ZNF678: variants seen among roughly 807,000 people sequenced by gnomAD.
The protein encoded by ZNF678 is hypothetical protein MGC42493.
A neutral mutation model predicts 3.0 loss-of-function variants in ZNF678; 5 were observed. The ratio of observed to expected loss-of-function variants is 1.69; its 90% CI spans 0.88 to 3.56. The LOEUF (loss-of-function observed/expected upper bound fraction) is 3.56. ZNF678 is among the 30% of genes most tolerant of loss of function. The pLI, the probability that ZNF678 is intolerant of heterozygous loss-of-function variation, is 0.00. For synonymous variants in ZNF678, 218 were observed against 199.6 expected, an observed-to-expected ratio of 1.09 and a Z score of -0.78; for missense variants, 593 against 605.0, an observed-to-expected ratio of 0.98 and a Z score of 0.21.
chr1:227,616,394 T>A (rs917108744), intron 1 of ZNF678, among the ~76,000 whole-genome samples: 1 of 152,244 alleles, frequency 6.6e-6, no homozygotes, highest in Non-Finnish European at 1.5e-5. Context: ...CATTCCCTGA[T>A]ACTGTCCCAG....
chr1:227,646,423 A>T (rs971410355), intron 1 of ZNF678, 121 bp from the exon 2 acceptor site: 4 of 945,422 alleles, frequency 4.2e-6, no homozygotes, highest in Non-Finnish European at 3.0e-6. Flanking sequence ...TGTTTTAAAC[A>T]ATGTCTTACT....
At chr1:227,587,843 A>G (rs1397262726) in intron 1 of ZNF678, among the ~76,000 whole-genome samples, 1 of 146,692 alleles carries the variant, frequency 6.8e-6, no homozygotes, top group Non-Finnish European at 1.5e-5. Context: ...TCAAGACTTT[A>G]AAAAAAATTC....
In ZNF678 at chr1:227,655,781, T is replaced by C. The variant is rs781011576; in HGVS notation, c.1531T>C (p.Tyr511His). ...SSIHSKYKRIYTGEEPDKCKK... is the reference protein window; with the variant it reads ...SSIHSKYKRIHTGEEPDKCKK... ...AATCCATAGTAAGTATAAGAGAATT[T>C]ATACTGGAGAGGAACCTGACAAATG... Residue 511 changes from tyrosine to histidine, a missense_variant, in exon 4 of 4, where the codon TAT becomes CAT. By Grantham distance (83) the Tyr-to-His change is moderately conservative. Transcript: ENST00000343776. 3 of 1,597,056 alleles carry C rather than the reference T, an allele frequency of 1.9e-6. No individual in the cohort carries two copies. The highest frequency in any genetic ancestry group is 2.2e-5 in the East Asian group (1 of 44,702).
chr1:227,652,136 C>G (rs965583796), intron 3 of ZNF678, among the ~76,000 whole-genome samples: 4 of 152,086 alleles, frequency 2.6e-5, no homozygotes, highest in Non-Finnish European at 5.9e-5. Flanking sequence ...TATATATGTT[C>G]CCAATAAATG....
At chr1:227,599,186 T>C (rs1056365141) in intron 1 of ZNF678, 2 of 1,085,048 alleles carry the variant, frequency 1.8e-6, no homozygotes, top group African/African-American at 3.1e-5. Flanking sequence ...TCAAATAACC[T>C]TTGTTAAATT....
intron 1 of ZNF678, among the ~76,000 whole-genome samples, chr1:227,632,745 G>A (rs1043349959): frequency 3.3e-5 from 5 of 152,158 alleles, no homozygotes; most frequent in African/African-American, 9.7e-5. Context: ...AATAGCAAGC[G>A]AAAATCGTCC....
intron 1 of ZNF678, among the ~76,000 whole-genome samples, chr1:227,626,850 C>T (rs963768102): frequency 6.6e-6 from 1 of 151,786 alleles, no homozygotes; most frequent in Non-Finnish European, 1.5e-5. Context: ...AAAGTGGGGC[C>T]GTTATCACTC....
Position 227,607,160 on chromosome 1 carries a change from C to G in ZNF678, c.-163-39384C>G, listed in dbSNP as rs117299397. On this transcript the variant is annotated intron_variant, in intron 1 of 3. Transcript: ENST00000343776. Reference sequence around the variant, plus strand: ...TCTTTATTTATTAGAAGTCTATTAACACATCCTGTTTTGTCTAGAATTTGT... The same window carrying G: ...TCTTTATTTATTAGAAGTCTATTAAGACATCCTGTTTTGTCTAGAATTTGT... Among the ~76,000 whole-genome samples the G allele has an allele frequency of 4.6e-3, 697 of 152,270 alleles. 19 individuals carry two copies. The South Asian group carries it at 0.057, about 12-fold the overall frequency.
chr1:227,665,430 T>G (rs1422073792), downstream of ZNF678, among the ~76,000 whole-genome samples: 1 of 152,176 alleles, frequency 6.6e-6, no homozygotes, highest in Non-Finnish European at 1.5e-5. Context: ...ACCAACAGAA[T>G]TCAACAAAGA....
At chr1:227,663,506 G>A (rs752599850), downstream of ZNF678, among the ~76,000 whole-genome samples, 13 of 152,140 alleles carry the variant, frequency 8.5e-5, no homozygotes, top group Admixed American at 6.5e-5. Context: ...ACCTTTTTGG[G>A]TTAACCCCCG....
chr1:227,638,677 G>A lies in ZNF678; in HGVS notation c.-163-7867G>A, dbSNP rs562447630. On this transcript the variant is annotated intron_variant, in intron 1 of 3. Coordinates refer to ENST00000343776, the MANE Select transcript of ZNF678 (RefSeq NM_001367909.1). This position sits in a 1 kb window ranked among gnomAD's most constrained non-coding sequence, Gnocchi z 4.2. ...CTAGGTGGATGTCTTGGGTACTATG[G>A]GAAATGTGGAAGTAGGGAGTAATGT... is the stretch of plus-strand genomic sequence containing the variant. Among the ~76,000 whole-genome samples the A allele has an allele frequency of 1.6e-4, 24 of 152,264 alleles. No individual in the cohort carries two copies. The highest frequency in any genetic ancestry group is 3.3e-4 in the Admixed American group (5 of 15,298).
At chr1:227,628,131 T>C (rs1273411604) in intron 1 of ZNF678, among the ~76,000 whole-genome samples, 2 of 152,212 alleles carry the variant, frequency 1.3e-5, no homozygotes, top group Non-Finnish European at 2.9e-5. Flanking sequence ...ATCTCTTCCC[T>C]GTATCATTTT....
chr1:227,634,701 T>C (rs1658631039), intron 1 of ZNF678, among the ~76,000 whole-genome samples: 1 of 152,144 alleles, frequency 6.6e-6, no homozygotes, highest in Non-Finnish European at 1.5e-5. Flanking sequence ...CACAATACAA[T>C]AGAATGCCAG....
chr1:227,578,258 A>G (rs763784403), intron 1 of ZNF678, among the ~76,000 whole-genome samples: 5 of 152,126 alleles, frequency 3.3e-5, no homozygotes, highest in African/African-American at 4.8e-5. Context: ...TGCGTTCTGC[A>G]TTTTTTGAAT....
chr1:227,581,003 A>G (rs1657117451), intron 1 of ZNF678, among the ~76,000 whole-genome samples: 1 of 152,160 alleles, frequency 6.6e-6, no homozygotes, highest in South Asian at 2.1e-4. Flanking sequence ...ATGGACTTCT[A>G]TATAAAGGTC....
intron 1 of ZNF678, among the ~76,000 whole-genome samples, chr1:227,571,374 C>CT (rs1656836952): frequency 6.6e-6 from 1 of 152,172 alleles, no homozygotes. Context: ...ATGTTTCTCT[C>CT]ATTCTAGTTT....
At chr1:227,563,793 G>T (rs1571848579) in intron 1 of ZNF678, 69 bp downstream of exon 1, 1 of 1,281,892 alleles carries the variant, frequency 7.8e-7, no homozygotes, top group Non-Finnish European at 1.0e-6. Flanking sequence ...AGAGTCCGCG[G>T]CCCGGAGTCC....
chr1:227,640,237 CA>C (rs983921674), intron 1 of ZNF678, among the ~76,000 whole-genome samples: 21 of 152,094 alleles, frequency 1.4e-4, no homozygotes, highest in Middle Eastern at 3.4e-3. Flanking sequence ...TGAGTACAGG[CA>C]ATGCTAGAGT....
At chr1:227,643,383 G>A (rs1360216501) in intron 1 of ZNF678, among the ~76,000 whole-genome samples, 3 of 152,162 alleles carry the variant, frequency 2.0e-5, no homozygotes, top group Non-Finnish European at 2.9e-5. Context: ...GGTTTCTCAT[G>A]GGCAGCCTTA....
Sources: gnomAD v4.1 joint callset for allele counts (sites outside exome capture counted in the v4.1 genomes callset) on GRCh38, gnomAD v4.1.1 for gene constraint, Gnocchi (gnomAD v3.1) non-coding constraint, MANE v1.5 for transcripts, NCBI Gene and HGNC (gene_info 2026-07-23, HGNC 2026-07-21) for gene names.